MAP4: variants seen among roughly 807,000 people sequenced by gnomAD.
MAP4 encodes the protein microtubule associated protein 4.
MAP4 carries 76 observed loss-of-function variants against 170.2 expected under a neutral mutation model. The observed-to-expected ratio is 0.45, with a 90% confidence interval of 0.37 to 0.54. The LOEUF is 0.54. MAP4 is among the 20% of genes least tolerant of loss of function. MAP4 has a pLI of 0.00. For missense variants in MAP4, 2,506 were observed against 2,748.0 expected, an observed-to-expected ratio of 0.91 and a Z score of 1.97; for synonymous variants, 909 against 994.5, an observed-to-expected ratio of 0.91 and a Z score of 1.62.
Position 47,851,131 on chromosome 3 carries a change from C to A in MAP4, c.*1803G>T, listed in dbSNP as rs540782783. ...CCACTTTCATCCCAGCAGGCCCTTT[C>A]TTCCTGCTGACAAAACACTGGCTCC... is the stretch of plus-strand genomic sequence containing the variant. On this transcript the variant is annotated 3_prime_UTR_variant, in exon 21 of 21. Transcript: ENST00000683076. The A allele has an allele frequency of 6.6e-6, 1 of 152,244 alleles. No homozygotes were observed. Among genetic ancestry groups the A allele is most frequent in the Non-Finnish European group, 1.5e-5 (1 of 68,102 alleles). The allele number at this position is 152,244 out of a possible 1,614,324, so 9.4% of individuals were successfully genotyped here.
chr3:47,896,744 C>CAT (rs1577237282), intron 10 of MAP4, among the ~76,000 whole-genome samples: 1 of 152,154 alleles, frequency 6.6e-6, no homozygotes, highest in African/African-American at 2.4e-5. Flanking sequence ...CAAGAAACAA[C>CAT]ATATAAATCG....
At chr3:48,015,976 T>A (rs1176717574) in intron 1 of MAP4, among the ~76,000 whole-genome samples, 1 of 152,186 alleles carries the variant, frequency 6.6e-6, no homozygotes, top group African/African-American at 2.4e-5. Flanking sequence ...GGTTCCTCCC[T>A]ACACAGTTCA....
At chr3:48,087,343 C>G (rs1193006096) in intron 1 of MAP4, among the ~76,000 whole-genome samples, 1 of 152,152 alleles carries the variant, frequency 6.6e-6, no homozygotes, top group Non-Finnish European at 1.5e-5. Flanking sequence ...TGTAATAGAG[C>G]ATGACAACTG....
intron 1 of MAP4, among the ~76,000 whole-genome samples, chr3:48,073,791 T>A (rs1230112330): frequency 6.6e-6 from 1 of 152,132 alleles, no homozygotes; most frequent in East Asian, 1.9e-4. Context: ...AAAAGACTTG[T>A]ACACTAAAAA....
At chr3:47,871,837 A>T in intron 13 of MAP4, 80 bp downstream of exon 13, 1 of 1,375,352 alleles carries the variant, frequency 7.3e-7, no homozygotes, top group South Asian at 1.3e-5. Flanking sequence ...TTGTGATACT[A>T]GCTAGAGCTA....
At chr3:47,994,343 T>C (rs1052838774) in intron 2 of MAP4, among the ~76,000 whole-genome samples, 2 of 152,156 alleles carry the variant, frequency 1.3e-5, no homozygotes, top group African/African-American at 4.8e-5. Flanking sequence ...AAACCTAGTA[T>C]GAAGAAAGGA....
chr3:48,030,017 T>C (rs2100115179), intron 1 of MAP4, among the ~76,000 whole-genome samples: 1 of 147,562 alleles, frequency 6.8e-6, no homozygotes, highest in Non-Finnish European at 1.5e-5. Flanking sequence ...ATATAATATA[T>C]GTATTATATA....
At chr3:47,955,359 G>A (rs1242631393) in intron 3 of MAP4, among the ~76,000 whole-genome samples, 1 of 151,414 alleles carries the variant, frequency 6.6e-6, no homozygotes, top group Non-Finnish European at 1.5e-5. Flanking sequence ...TCAGGGCTAT[G>A]CCATTCTCCT....
chr3:47,997,720 A>C (rs1334409206), intron 2 of MAP4, among the ~76,000 whole-genome samples: 1 of 152,078 alleles, frequency 6.6e-6, no homozygotes, highest in Non-Finnish European at 1.5e-5. Context: ...AGAAAGAAAG[A>C]AAGAAAGAAA....
At position 47,870,817 on chromosome 3, in the gene MAP4, C is replaced by A. The variant is rs908397778; in HGVS notation, c.6290G>T (p.Gly2097Val). The A allele has an allele frequency of 4.5e-6, 7 of 1,547,972 alleles. No individual in the cohort carries two copies. In the Admixed American group the frequency reaches 7.6e-5, roughly 17 times the overall value. ...TENIKHQPGGGRAKVEKKTEA... is the reference protein window; with the variant it reads ...TENIKHQPGGVRAKVEKKTEA... ...CCCCAAGCTCCCTGGACCCACCCGGCCTCCTCCAGGCTGATGCTTGATGTT... is the reference window on the plus strand; with the variant it reads ...CCCCAAGCTCCCTGGACCCACCCGGACTCCTCCAGGCTGATGCTTGATGTT... The change falls in exon 15 of 21, where the codon GGC becomes GTC. Residue 2097 changes from glycine to valine, a missense_variant. Physicochemically the swap from Gly to Val is moderately radical, Grantham distance 109 (BLOSUM62 -3). This residue lies in a region of MAP4 where 487 missense variants were observed against 511.6 expected (regional missense o/e 0.95). Coordinates refer to ENST00000683076, the MANE Select transcript of MAP4 (RefSeq NM_001385682.1).
At chr3:47,981,768 A>G (rs1175186620) in intron 2 of MAP4, among the ~76,000 whole-genome samples, 2 of 146,870 alleles carry the variant, frequency 1.4e-5, no homozygotes, top group South Asian at 2.1e-4. Flanking sequence ...CCATCTCCCA[A>G]AAAAAAAAAA....
At chr3:48,004,455 G>A (rs544838398) in intron 1 of MAP4, among the ~76,000 whole-genome samples, 115 of 152,328 alleles carry the variant, frequency 7.5e-4, no homozygotes, top group Middle Eastern at 3.4e-3. Flanking sequence ...CCTAAGTTCA[G>A]TGAACAAAGT....
In MAP4 at chr3:47,900,193, T is replaced by C. The variant is rs533612373; in HGVS notation, c.5434+2757A>G. On this transcript the variant is annotated intron_variant, in intron 10 of 20. Transcript: ENST00000683076. Reference sequence around the variant, plus strand: ...CACTCCTTGTTAATAAAAGATAAAGTTGTCAAGTTATAATCTAGTTTCTTC... The same window carrying C: ...CACTCCTTGTTAATAAAAGATAAAGCTGTCAAGTTATAATCTAGTTTCTTC... 4.6e-5 allele frequency among the ~76,000 whole-genome samples: 7 copies of C among 152,294 alleles called. No homozygotes were observed. In the East Asian group the frequency reaches 1.3e-3, roughly 29 times the overall value.
intron 3 of MAP4, among the ~76,000 whole-genome samples, chr3:47,943,991 C>T (rs1363459628): frequency 6.6e-6 from 1 of 152,020 alleles, no homozygotes; most frequent in Non-Finnish European, 1.5e-5. Flanking sequence ...CCTATAAACA[C>T]ACCTCTCTAC....
intron 9 of MAP4, among the ~76,000 whole-genome samples, chr3:47,906,762 T>A (rs2100033296): frequency 6.8e-6 from 1 of 147,486 alleles, no homozygotes; most frequent in Non-Finnish European, 1.5e-5. Flanking sequence ...AAAGAATGAG[T>A]CATATCTAGA....
intron 10 of MAP4, chr3:47,891,450 G>T: frequency 1.3e-6 from 2 of 1,530,408 alleles, no homozygotes; most frequent in Non-Finnish European, 1.7e-6. Flanking sequence ...GGAGCTCCCA[G>T]TTTCCCAGGT....
chr3:47,879,241 A>G (rs922740265), intron 10 of MAP4, among the ~76,000 whole-genome samples: 3 of 136,910 alleles, frequency 2.2e-5, no homozygotes, highest in Non-Finnish European at 4.5e-5. Context: ...CTATTAAGTG[A>G]AAAAAAAAAC....
intron 1 of MAP4, among the ~76,000 whole-genome samples, chr3:48,071,219 G>A (rs1187601535): frequency 6.6e-6 from 1 of 151,996 alleles, no homozygotes; most frequent in African/African-American, 2.4e-5. Context: ...AGAGGGAAAG[G>A]AAAATAAGTA....
intron 13 of MAP4, among the ~76,000 whole-genome samples, chr3:47,871,528 A>T (rs1029456199): frequency 1.3e-5 from 2 of 152,054 alleles, no homozygotes; most frequent in African/African-American, 4.8e-5. Context: ...ATGCCTATGG[A>T]CTTGAATAGC....
Sources: gnomAD v4.1 joint callset for allele counts (sites outside exome capture counted in the v4.1 genomes callset) on GRCh38, gnomAD v4.1.1 for gene constraint, gnomAD v4.1.1 regional missense constraint, MANE v1.5 for transcripts, NCBI Gene and HGNC (gene_info 2026-07-23, HGNC 2026-07-21) for gene names.